The following PEAK1 variants were observed in gnomAD, a reference collection of about 807,000 sequenced individuals.
PEAK1 encodes the protein pseudopodium enriched atypical kinase 1, also known as inactive tyrosine-protein kinase PEAK1.
Under a neutral mutation model 124.7 loss-of-function variants are expected in PEAK1, and 54 were observed. That is an observed-to-expected ratio of 0.43 (90% CI 0.35 to 0.54). The LOEUF (loss-of-function observed/expected upper bound fraction) is 0.54, where lower values mean the gene tolerates loss of function less well. Among genes scored for constraint, PEAK1 ranks in the 20% least tolerant of loss-of-function variants. The pLI is 0.01. For synonymous variants in PEAK1, 719 were observed against 760.0 expected (o/e 0.95, Z 0.89); for missense variants, 2,046 against 2,134.5 (o/e 0.96, Z 0.82).
At chr15:77,152,549 G>T (rs1299632824) in intron 8 of PEAK1, among the ~76,000 whole-genome samples, 1 of 152,122 alleles carries the variant, frequency 6.6e-6, no homozygotes, top group East Asian at 1.9e-4. Flanking sequence ...GTGAGAGAGG[G>T]CATCCCTGTC....
intron 2 of PEAK1, among the ~76,000 whole-genome samples, chr15:77,311,779 T>C (rs1474219609): frequency 6.6e-6 from 1 of 151,044 alleles, no homozygotes. Flanking sequence ...TGGGGGGCAC[T>C]GTGTAATGAG....
At chr15:77,153,816 G>C (rs2054877841) in intron 8 of PEAK1, among the ~76,000 whole-genome samples, 1 of 152,180 alleles carries the variant, frequency 6.6e-6, no homozygotes, top group African/African-American at 2.4e-5. Context: ...TCTTAATCCT[G>C]AGTTCTAGTT....
At chr15:77,250,852 C>T (rs868225035) in intron 6 of PEAK1, among the ~76,000 whole-genome samples, 24 of 152,144 alleles carry the variant, frequency 1.6e-4, no homozygotes, top group African/African-American at 5.1e-4. Flanking sequence ...TACAGGCCAC[C>T]GTGCCCCATC....
At chr15:77,337,251 TA>T in intron 2 of PEAK1, 1 of 984,058 alleles carries the variant, frequency 1.0e-6, no homozygotes, top group Non-Finnish European at 1.2e-6. Context: ...AAAGCTCCAC[TA>T]GGGAAAAAAA....
chr15:77,248,593 A>G (rs1246226208), intron 6 of PEAK1, among the ~76,000 whole-genome samples: 1 of 152,132 alleles, frequency 6.6e-6, no homozygotes, highest in Non-Finnish European at 1.5e-5. Flanking sequence ...ACACAGTGAA[A>G]AGACACCATC....
intron 2 of PEAK1, chr15:77,346,348 C>G: frequency 1.0e-6 from 1 of 982,564 alleles, no homozygotes; most frequent in Non-Finnish European, 1.2e-6. Context: ...TTTTGTAAAC[C>G]TGGAATTTGT....
At chr15:77,131,988 T>C (rs978625346) in intron 9 of PEAK1, among the ~76,000 whole-genome samples, 3 of 152,064 alleles carry the variant, frequency 2.0e-5, no homozygotes, top group Non-Finnish European at 4.4e-5. Context: ...GCCACTGCAC[T>C]CCAGCCTAAA....
intron 6 of PEAK1, among the ~76,000 whole-genome samples, chr15:77,234,892 C>T (rs1335900111): frequency 6.6e-6 from 1 of 152,106 alleles, no homozygotes; most frequent in African/African-American, 2.4e-5. Flanking sequence ...AGATCCAATC[C>T]TCCCTTGAGA....
chr15:77,238,435 T>C (rs2060217111), intron 6 of PEAK1, among the ~76,000 whole-genome samples: 1 of 152,184 alleles, frequency 6.6e-6, no homozygotes, highest in Admixed American at 6.5e-5. Flanking sequence ...AGTGTCATCC[T>C]GCATGTCTCT....
chr15:77,404,075 G>C, intron 1 of PEAK1: 1 of 984,868 alleles, frequency 1.0e-6, no homozygotes, highest in Non-Finnish European at 1.2e-6. Context: ...ACCATTCTGA[G>C]AGTTACTGCA....
chr15:77,247,843 T>G (rs957551377), intron 6 of PEAK1, among the ~76,000 whole-genome samples: 1 of 152,162 alleles, frequency 6.6e-6, no homozygotes, highest in African/African-American at 2.4e-5. Flanking sequence ...CATAATGCAT[T>G]ATCCTTTTTA....
intron 8 of PEAK1, among the ~76,000 whole-genome samples, chr15:77,145,963 T>C (rs2054147567): frequency 6.6e-6 from 1 of 152,180 alleles, no homozygotes; most frequent in Non-Finnish European, 1.5e-5. Flanking sequence ...CCCAAATAAA[T>C]AGAACTTATC....
At chr15:77,168,880 G>A (rs746662276) in intron 7 of PEAK1, among the ~76,000 whole-genome samples, 40 of 152,168 alleles carry the variant, frequency 2.6e-4, no homozygotes, top group Admixed American at 1.4e-3. Context: ...AAGTCCTAAA[G>A]AAACGACTTA....
intron 2 of PEAK1, among the ~76,000 whole-genome samples, chr15:77,342,931 C>T (rs1330008360): frequency 6.6e-6 from 1 of 152,164 alleles, no homozygotes; most frequent in African/African-American, 2.4e-5. Context: ...CGGGTGTGTA[C>T]ATATGTCTTT....
chr15:77,417,460 G>T lies in PEAK1; in HGVS notation c.-666+2546C>A, dbSNP rs797018274. Reference sequence around the variant, plus strand: ...AGAGTGGGGTGGGGGGATGCGGGGCGGGGGGGGAGGGGGGCAAGAGGTAGG... The same window carrying T: ...AGAGTGGGGTGGGGGGATGCGGGGCTGGGGGGGAGGGGGGCAAGAGGTAGG... On this transcript the variant is annotated intron_variant, in intron 1 of 9. Coordinates refer to ENST00000682557, the MANE Select transcript of PEAK1 (RefSeq NM_001385026.1). 1.5e-5 allele frequency: 12 copies of T among 786,872 alleles called. No homozygotes were observed. In the South Asian group the frequency reaches 4.8e-4, roughly 31 times the overall value. 48.7% of individuals were successfully genotyped at this position (786,872 alleles called of 1,614,324 possible). A position where few individuals can be genotyped will look rare whatever the true frequency, so the allele number is the denominator to read the frequency against.
At chr15:77,375,863 G>A (rs1172468933) in intron 1 of PEAK1, among the ~76,000 whole-genome samples, 3 of 152,090 alleles carry the variant, frequency 2.0e-5, no homozygotes, top group Non-Finnish European at 4.4e-5. Context: ...GCCGGACGCG[G>A]TGGCGGGTGC....
intron 2 of PEAK1, among the ~76,000 whole-genome samples, chr15:77,296,712 G>A (rs990669213): frequency 6.6e-6 from 1 of 151,672 alleles, no homozygotes; most frequent in Admixed American, 6.6e-5. Flanking sequence ...AAATAAAATG[G>A]TAGAGGACGA....
chr15:77,365,168 GT>G lies in PEAK1; in HGVS notation c.-609del. ...GAATTCATAAATTATCTCACCTTTG[GT>G]TTTTAGATAAACCACAAAGAAATGT... On this transcript the variant is annotated 5_prime_UTR_variant, in exon 2 of 10. Coordinates refer to ENST00000682557, the MANE Select transcript of PEAK1 (RefSeq NM_001385026.1). The G allele has an allele frequency of 1.0e-6, 1 of 967,592 alleles. No individual in the cohort carries two copies. Among genetic ancestry groups the G allele is most frequent in the Non-Finnish European group, 1.2e-6 (1 of 813,804 alleles). The allele number at this position is 967,592 out of a possible 1,614,324, so 59.9% of individuals were successfully genotyped here.
At chr15:77,298,048 G>C (rs1408925995) in intron 2 of PEAK1, among the ~76,000 whole-genome samples, 2 of 116,572 alleles carry the variant, frequency 1.7e-5, no homozygotes, top group African/African-American at 6.8e-5. Context: ...CTGGGCGACA[G>C]GGCGAGACTC....
Sources: allele counts gnomAD v4.1 joint callset (sites outside exome capture counted in the v4.1 genomes callset), GRCh38; gene constraint gnomAD v4.1.1; transcripts MANE v1.5; gene names NCBI Gene and HGNC (gene_info 2026-07-23, HGNC 2026-07-21).